CCDC85A: variants seen among roughly 807,000 people sequenced by gnomAD.
CCDC85A encodes coiled-coil domain-containing protein 85A.
CCDC85A carries 38 observed loss-of-function variants against 50.2 expected under a neutral mutation model. The ratio of observed to expected loss-of-function variants is 0.76; its 90% CI spans 0.58 to 0.99. CCDC85A has a LOEUF of 0.99. Among genes scored for constraint, CCDC85A ranks in the 50% least tolerant of loss-of-function variants. CCDC85A has a pLI of 0.00. For missense variants in CCDC85A, 820 were observed against 742.0 expected (o/e 1.11, Z -1.22); for synonymous variants, 366 against 301.4 (o/e 1.21, Z -2.22).
chr2:56,277,019 C>T (rs1183484848), intron 2 of CCDC85A, among the ~76,000 whole-genome samples: 2 of 152,166 alleles, frequency 1.3e-5, no homozygotes, highest in Admixed American at 6.5e-5. Flanking sequence ...CAAGAACAGG[C>T]CAGCTCTAAA....
intron 2 of CCDC85A, among the ~76,000 whole-genome samples, chr2:56,288,204 C>T (rs1039889490): frequency 7.2e-5 from 11 of 152,218 alleles, no homozygotes; most frequent in African/African-American, 2.6e-4. Context: ...TACCTGGTCA[C>T]AGTCCCAGCA....
chr2:56,197,852 C>T (rs1265030147), intron 2 of CCDC85A, among the ~76,000 whole-genome samples: 1 of 152,180 alleles, frequency 6.6e-6, no homozygotes, highest in Non-Finnish European at 1.5e-5. Flanking sequence ...AATTTGAAGG[C>T]AACTCTGACA....
chr2:56,269,644 A>G (rs1670612140), intron 2 of CCDC85A, among the ~76,000 whole-genome samples: 1 of 152,160 alleles, frequency 6.6e-6, no homozygotes, highest in Non-Finnish European at 1.5e-5. Context: ...TCAGGCTCAC[A>G]TTCAGTTGTC....
chr2:56,347,709 G>T (rs750691801), intron 3 of CCDC85A, among the ~76,000 whole-genome samples: 4 of 152,162 alleles, frequency 2.6e-5, no homozygotes, highest in Non-Finnish European at 5.9e-5. Flanking sequence ...GGTTCAGAGT[G>T]AACTGGAGGA....
intron 3 of CCDC85A, among the ~76,000 whole-genome samples, chr2:56,349,602 T>C (rs1042496031): frequency 6.6e-6 from 1 of 152,160 alleles, no homozygotes; most frequent in African/African-American, 2.4e-5. Flanking sequence ...TGAGGGTTCT[T>C]ATTTGAGAAC....
At chr2:56,246,328 A>G (rs1416069007) in intron 2 of CCDC85A, among the ~76,000 whole-genome samples, 1 of 152,036 alleles carries the variant, frequency 6.6e-6, no homozygotes, top group Non-Finnish European at 1.5e-5. Context: ...CATTCTGTGG[A>G]TTGTCTTATT....
chr2:56,323,557 C>A (rs1302575315), intron 2 of CCDC85A, among the ~76,000 whole-genome samples: 1 of 152,010 alleles, frequency 6.6e-6, no homozygotes, highest in Non-Finnish European at 1.5e-5. Flanking sequence ...GTTGATGCTC[C>A]TTCCTGGGGA....
chr2:56,220,569 A>T (rs575611940), intron 2 of CCDC85A, among the ~76,000 whole-genome samples: 1 of 152,078 alleles, frequency 6.6e-6, no homozygotes, highest in Non-Finnish European at 1.5e-5. Flanking sequence ...CAGAAACTTT[A>T]TCACTCAGTA....
intron 5 of CCDC85A, among the ~76,000 whole-genome samples, chr2:56,379,254 C>T (rs1056579680): frequency 1.3e-4 from 20 of 152,276 alleles, no homozygotes; most frequent in Admixed American, 1.2e-3. Context: ...CAGGCAAGAA[C>T]TGCGAGGTCA....
intron 2 of CCDC85A, among the ~76,000 whole-genome samples, chr2:56,285,566 TATA>T (rs1468405925): frequency 6.9e-6 from 1 of 145,696 alleles, no homozygotes; most frequent in Non-Finnish European, 1.5e-5. Flanking sequence ...TAATATATAA[TATA>T]ATATAATTAA....
intron 2 of CCDC85A, among the ~76,000 whole-genome samples, chr2:56,211,775 G>A (rs1045403324): frequency 3.3e-5 from 5 of 151,878 alleles, no homozygotes; most frequent in Non-Finnish European, 4.4e-5. Context: ...TTACTCAGAC[G>A]CACACAATTA....
intron 2 of CCDC85A, among the ~76,000 whole-genome samples, chr2:56,251,318 G>A (rs947017454): frequency 3.3e-5 from 5 of 152,170 alleles, no homozygotes; most frequent in Non-Finnish European, 4.4e-5. Flanking sequence ...TTGAACACAT[G>A]GATGTATTAT....
At chr2:56,232,902 C>T (rs1363275550) in intron 2 of CCDC85A, among the ~76,000 whole-genome samples, 1 of 152,138 alleles carries the variant, frequency 6.6e-6, no homozygotes, top group Non-Finnish European at 1.5e-5. Flanking sequence ...CACTCACTAC[C>T]CTGATTAAAA....
chr2:56,226,960 C>A (rs1013399337), intron 2 of CCDC85A, among the ~76,000 whole-genome samples: 1 of 152,200 alleles, frequency 6.6e-6, no homozygotes, highest in East Asian at 1.9e-4. Flanking sequence ...TTTCAATAGG[C>A]AAATTTTAGC....
chr2:56,375,515 T>A (rs920283216), intron 4 of CCDC85A, among the ~76,000 whole-genome samples: 1 of 152,196 alleles, frequency 6.6e-6, no homozygotes, highest in African/African-American at 2.4e-5. Context: ...AATTTCCTAC[T>A]CTTAAGTATC....
At chr2:56,288,505 AT>A (rs1489675125) in intron 2 of CCDC85A, among the ~76,000 whole-genome samples, 1 of 152,172 alleles carries the variant, frequency 6.6e-6, no homozygotes, top group Non-Finnish European at 1.5e-5. Flanking sequence ...TTATGTCTGC[AT>A]GCATATTTTA....
At chr2:56,229,799 C>T (rs1030504577) in intron 2 of CCDC85A, among the ~76,000 whole-genome samples, 3 of 152,052 alleles carry the variant, frequency 2.0e-5, no homozygotes, top group African/African-American at 7.2e-5. Flanking sequence ...ACAAATTAGT[C>T]AGAAAGAGCC....
intron 2 of CCDC85A, among the ~76,000 whole-genome samples, chr2:56,218,906 T>C (rs942258992): frequency 6.6e-6 from 1 of 151,766 alleles, no homozygotes; most frequent in Non-Finnish European, 1.5e-5. Flanking sequence ...AGACATAAAA[T>C]ATATTACTGA....
At chr2:56,276,699 T>A (rs1228646581) in intron 2 of CCDC85A, among the ~76,000 whole-genome samples, 5 of 152,364 alleles carry the variant, frequency 3.3e-5, no homozygotes, top group Admixed American at 6.5e-5. Context: ...CTCTGATATG[T>A]CTTTGTCAGC....
Sources: gnomAD v4.1 joint callset for allele counts (sites outside exome capture counted in the v4.1 genomes callset) on GRCh38, gnomAD v4.1.1 for gene constraint, MANE v1.5 for transcripts, NCBI Gene and HGNC (gene_info 2026-07-23, HGNC 2026-07-21) for gene names.